PPME1: variants seen among roughly 807,000 people sequenced by gnomAD.
PPME1 encodes the protein protein phosphatase methylesterase 1, also known as testicular secretory protein Li 39.
A neutral mutation model predicts 56.9 loss-of-function variants in PPME1; 17 were observed. The ratio of observed to expected loss-of-function variants is 0.30; its 90% confidence interval spans 0.20 to 0.45. The LOEUF is 0.45. PPME1 is among the 20% of genes least tolerant of loss of function. The pLI, the probability that PPME1 is intolerant of heterozygous loss-of-function variation, is 1.00. For missense variants in PPME1, 357 were observed against 483.2 expected, an observed-to-expected ratio of 0.74 and a Z score of 2.45; for synonymous variants, 122 against 156.2, an observed-to-expected ratio of 0.78 and a Z score of 1.63.
intron 7 of PPME1, among the ~76,000 whole-genome samples, chr11:74,231,702 C>T (rs1394299760): frequency 6.6e-6 from 1 of 152,266 alleles, no homozygotes; most frequent in East Asian, 1.9e-4. Flanking sequence ...GTTTCTAAGG[C>T]ATCATCCACC....
intron 9 of PPME1, among the ~76,000 whole-genome samples, chr11:74,241,568 C>A (rs779339287): frequency 1.3e-5 from 2 of 152,180 alleles, no homozygotes; most frequent in Non-Finnish European, 2.9e-5. Flanking sequence ...ACTGACAGAC[C>A]GTTTTCCAAA....
chr11:74,190,267 G>A (rs1857799644), intron 1 of PPME1, among the ~76,000 whole-genome samples: 1 of 152,138 alleles, frequency 6.6e-6, no homozygotes, highest in East Asian at 1.9e-4. Flanking sequence ...CTGGAGGTAG[G>A]GCCCAGTGGA....
chr11:74,174,316 A>G (rs1857356363), intron 1 of PPME1, among the ~76,000 whole-genome samples: 1 of 152,236 alleles, frequency 6.6e-6, no homozygotes. Flanking sequence ...TTTTGGAGTC[A>G]TAATTGTCAT....
chr11:74,211,015 T>C (rs1448087239), intron 3 of PPME1, among the ~76,000 whole-genome samples: 1 of 152,226 alleles, frequency 6.6e-6, no homozygotes, highest in Non-Finnish European at 1.5e-5. Context: ...GTTTACAAAG[T>C]TGATGTTTAA....
chr11:74,196,950 C>T (rs1202537919), intron 1 of PPME1, among the ~76,000 whole-genome samples: 1 of 152,196 alleles, frequency 6.6e-6, no homozygotes, highest in East Asian at 1.9e-4. Flanking sequence ...CACCTAGAGG[C>T]TAGGAATGCC....
chr11:74,184,087 C>G (rs972841679), intron 1 of PPME1, among the ~76,000 whole-genome samples: 14 of 152,078 alleles, frequency 9.2e-5, no homozygotes, highest in African/African-American at 3.1e-4. Context: ...ATCTCTCTGT[C>G]TTTATTCTTT....
chr11:74,248,752 G>T (rs1235351208), intron 11 of PPME1: 3 of 152,136 alleles, frequency 2.0e-5, no homozygotes, highest in Non-Finnish European at 4.4e-5. Context: ...CCTTTCCTAG[G>T]CACCCTTTCT....
chr11:74,208,871 G>A (rs966207023), intron 3 of PPME1, among the ~76,000 whole-genome samples: 1 of 152,200 alleles, frequency 6.6e-6, no homozygotes, highest in Admixed American at 6.5e-5. Context: ...TAAGCACAAA[G>A]GCATTGAAGA....
chr11:74,202,353 T>TC (rs1858192578), intron 1 of PPME1, among the ~76,000 whole-genome samples: 1 of 152,214 alleles, frequency 6.6e-6, no homozygotes, highest in East Asian at 1.9e-4. Context: ...ATTTCATTGT[T>TC]AGATTCAGAA....
At position 74,250,973 on chromosome 11, in the gene PPME1, C is replaced by T. The variant is rs755182830; in HGVS notation, c.1029C>T (p.Val343=). The part of the protein sequence containing the change: ...GQMQGKFQMQ[V]LPQCGHAVHE... ...CTCCAGGGAAGTTCCAGATGCAGGTCCTACCCCAGTGTGGCCATGCAGTCC... is the reference window on the plus strand; with the variant it reads ...CTCCAGGGAAGTTCCAGATGCAGGTTCTACCCCAGTGTGGCCATGCAGTCC... The change falls in exon 12 of 14, where the codon GTC becomes GTT. Residue 343 remains valine (V), a synonymous_variant. Coordinates refer to ENST00000328257, the MANE Select transcript of PPME1 (RefSeq NM_016147.3). The T allele has an allele frequency of 6.9e-6, 11 of 1,601,974 alleles. No individual in the cohort carries two copies. Among genetic ancestry groups the T allele is most frequent in the Middle Eastern group, 1.7e-4 (1 of 6,052 alleles).
chr11:74,234,624 C>A (rs75340815), intron 7 of PPME1, among the ~76,000 whole-genome samples: 3,726 of 152,114 alleles, frequency 0.024, 141 homozygotes, highest in African/African-American at 0.085. Context: ...ATAGAGGTGA[C>A]CTTGACAAAA....
intron 1 of PPME1, among the ~76,000 whole-genome samples, chr11:74,185,080 A>G (rs1857642077): frequency 6.9e-6 from 1 of 144,034 alleles, no homozygotes; most frequent in Non-Finnish European, 1.5e-5. Context: ...GCTCACTGCA[A>G]CCTCCACCTC....
intron 1 of PPME1, among the ~76,000 whole-genome samples, chr11:74,175,855 A>T (rs1228419893): frequency 6.6e-6 from 1 of 152,226 alleles, no homozygotes; most frequent in African/African-American, 2.4e-5. Flanking sequence ...AAGATCACAG[A>T]ATCATTATGT....
intron 11 of PPME1, chr11:74,248,863 C>A (rs762086167): frequency 1.3e-5 from 2 of 152,184 alleles, no homozygotes; most frequent in Non-Finnish European, 1.5e-5. Context: ...CATTTGAAAT[C>A]ATTGTTGATC....
chr11:74,233,306 G>C (rs1859114859), intron 7 of PPME1, among the ~76,000 whole-genome samples: 1 of 152,118 alleles, frequency 6.6e-6, no homozygotes, highest in Non-Finnish European at 1.5e-5. Flanking sequence ...TTTCATGAGA[G>C]TCATTGATCT....
chr11:74,214,160 A>T (rs934596373), intron 3 of PPME1, among the ~76,000 whole-genome samples: 1 of 152,194 alleles, frequency 6.6e-6, no homozygotes, highest in Non-Finnish European at 1.5e-5. Flanking sequence ...ATTAAAAAGA[A>T]CAGAAATTCT....
intron 1 of PPME1, among the ~76,000 whole-genome samples, chr11:74,193,447 A>C (rs150030614): frequency 6.6e-6 from 1 of 152,300 alleles, no homozygotes; most frequent in Non-Finnish European, 1.5e-5. Context: ...AGGATATCTC[A>C]TTGTGTATAT....
chr11:74,171,494 A>C lies in PPME1; in HGVS notation c.73A>C (p.Ser25Arg). ...SRPPLPGSGGSQSGAKMRMGP... is the reference protein window; with the variant it reads ...SRPPLPGSGGRQSGAKMRMGP... ...CCCACCTCTACCCGGCAGCGGGGGC[A>C]GTCAGAGCGGAGCCAAGATGCGAAT... Residue 25 changes from serine (S) to arginine (R), a missense_variant, in exon 1 of 14, where the codon AGT becomes CGT. Ser to Arg is a moderately radical substitution (Grantham distance 110). Around this residue, in one of 2 missense-constraint regions of PPME1, gnomAD observed 175 missense variants for 189.4 expected, o/e 0.92. Coordinates refer to ENST00000328257, the MANE Select transcript of PPME1 (RefSeq NM_016147.3). 1 of 1,613,312 alleles carries C rather than the reference A, an allele frequency of 6.2e-7. No homozygotes were observed. The highest frequency in any genetic ancestry group is 8.5e-7 in the Non-Finnish European group (1 of 1,179,772).
intron 3 of PPME1, among the ~76,000 whole-genome samples, chr11:74,206,414 T>C (rs892671335): frequency 6.6e-6 from 1 of 152,192 alleles, no homozygotes; most frequent in Non-Finnish European, 1.5e-5. Context: ...CTTCTGGATC[T>C]GACAAGTTTG....
Sources: allele counts gnomAD v4.1 joint callset (sites outside exome capture counted in the v4.1 genomes callset), GRCh38; gene constraint gnomAD v4.1.1; regional missense constraint gnomAD v4.1.1; transcripts MANE v1.5; gene names NCBI Gene and HGNC (gene_info 2026-07-23, HGNC 2026-07-21).